The following WNT3A variants were observed in gnomAD, a reference collection of about 807,000 sequenced individuals.
The protein encoded by WNT3A is protein Wnt-3a.
A neutral mutation model predicts 37.0 loss-of-function variants in WNT3A; 17 were observed. The observed-to-expected ratio is 0.46, with a 90% confidence interval of 0.31 to 0.69. WNT3A has a LOEUF of 0.69. Among genes scored for constraint, WNT3A ranks in the 30% least tolerant of loss-of-function variants. The pLI is 0.05. For synonymous variants in WNT3A, 187 were observed against 211.0 expected, an observed-to-expected ratio of 0.89 and a Z score of 0.99; for missense variants, 411 against 510.2, an observed-to-expected ratio of 0.81 and a Z score of 1.87.
At chr1:228,057,394 A>G (rs2031703440) in intron 3 of WNT3A, among the ~76,000 whole-genome samples, 1 of 152,240 alleles carries the variant, frequency 6.6e-6, no homozygotes, top group African/African-American at 2.4e-5. Context: ...ACAGAGTTGT[A>G]GACATTGCAA....
chr1:228,053,814 G>T (rs1436279320), intron 3 of WNT3A, among the ~76,000 whole-genome samples: 5 of 152,184 alleles, frequency 3.3e-5, no homozygotes, highest in African/African-American at 1.2e-4. Flanking sequence ...TGAGACACTG[G>T]TGTTCTGGGG....
Position 228,059,827 on chromosome 1 carries a change from T to G in WNT3A, c.*362T>G. On this transcript the variant is annotated 3_prime_UTR_variant, in exon 4 of 4. Transcript: ENST00000284523. ...GCTTCTCCTGCGGGGGCGAGGCCCCTCCCAGTAAGGGCGTGGCTCTGGGTG... is the reference window on the plus strand; with the variant it reads ...GCTTCTCCTGCGGGGGCGAGGCCCCGCCCAGTAAGGGCGTGGCTCTGGGTG... 1 of 1,067,132 alleles carries G rather than the reference T, an allele frequency of 9.4e-7. No homozygotes were observed. The highest frequency in any genetic ancestry group is 1.1e-6 in the Non-Finnish European group (1 of 882,760). 66.1% of individuals were successfully genotyped at this position (1,067,132 alleles called of 1,614,324 possible).
intron 2 of WNT3A, among the ~76,000 whole-genome samples, chr1:228,044,317 T>C (rs1162163469): frequency 1.3e-5 from 2 of 152,230 alleles, no homozygotes; most frequent in East Asian, 3.8e-4. Context: ...TGTTCAAAAC[T>C]AAATGTGTTC....
In WNT3A at chr1:228,041,172, C is replaced by T. The variant is rs182378175; in HGVS notation, c.314-9484C>T. ...AGCCCATTAAATCCAAACCTAGAAA[C>T]GAAGGATTTGTTAAGATCCCTCTAG... On this transcript the variant is annotated intron_variant, in intron 2 of 3. Coordinates refer to ENST00000284523, the MANE Select transcript of WNT3A (RefSeq NM_033131.4). 1.2e-4 allele frequency among the ~76,000 whole-genome samples: 19 copies of T among 152,058 alleles called. 1 individual carries two copies. Among genetic ancestry groups the T allele is most frequent in the East Asian group, 3.9e-4 (2 of 5,156 alleles).
chr1:228,028,292 ATTTTT>A (rs56294253), intron 2 of WNT3A, among the ~76,000 whole-genome samples: 7 of 120,186 alleles, frequency 5.8e-5, no homozygotes, highest in African/African-American at 6.6e-5. Flanking sequence ...GTTACATATA[ATTTTT>A]TTTTTTTTTT....
At chr1:228,030,124 G>A (rs1301476467) in intron 2 of WNT3A, among the ~76,000 whole-genome samples, 2 of 151,846 alleles carry the variant, frequency 1.3e-5, no homozygotes, top group African/African-American at 4.8e-5. Context: ...GCCAGGCGTG[G>A]TGGCTCACGC....
chr1:228,026,352 G>A (rs1179211965), intron 2 of WNT3A, among the ~76,000 whole-genome samples: 1 of 152,096 alleles, frequency 6.6e-6, no homozygotes, highest in Non-Finnish European at 1.5e-5. Context: ...GAACAGAAAT[G>A]GTAAAAGTAG....
intron 1 of WNT3A, among the ~76,000 whole-genome samples, chr1:228,018,115 G>C (rs1261238830): frequency 6.6e-6 from 1 of 152,180 alleles, no homozygotes; most frequent in Non-Finnish European, 1.5e-5. Context: ...CTTGCGCTGA[G>C]AACAGGACCC....
intron 1 of WNT3A, among the ~76,000 whole-genome samples, chr1:228,010,292 C>T (rs963676810): frequency 1.3e-5 from 2 of 152,156 alleles, no homozygotes; most frequent in African/African-American, 2.4e-5. Context: ...GTCATCTCCC[C>T]AGGGACCCCA....
chr1:228,049,765 T>C (rs932199859), intron 2 of WNT3A, among the ~76,000 whole-genome samples: 1 of 152,190 alleles, frequency 6.6e-6, no homozygotes, highest in Non-Finnish European at 1.5e-5. Flanking sequence ...TCGACCATCT[T>C]TCCAGGTGCA....
At chr1:228,046,319 G>C (rs1049830434) in intron 2 of WNT3A, among the ~76,000 whole-genome samples, 1 of 151,888 alleles carries the variant, frequency 6.6e-6, no homozygotes, top group Admixed American at 6.6e-5. Context: ...AGGGGTGTGT[G>C]TGTGTGTGCA....
At chr1:228,011,869 C>T (rs1327384846) in intron 1 of WNT3A, among the ~76,000 whole-genome samples, 2 of 152,162 alleles carry the variant, frequency 1.3e-5, no homozygotes, top group Non-Finnish European at 2.9e-5. Context: ...AGTGGCCACA[C>T]GTCAAGTGTC....
chr1:228,051,445 C>T (rs1199986028), intron 3 of WNT3A, among the ~76,000 whole-genome samples: 1 of 152,148 alleles, frequency 6.6e-6, no homozygotes, highest in East Asian at 1.9e-4. Context: ...TGTAAAGCTT[C>T]GTGAGCCTGT....
rs2031238070 is a variant in WNT3A at position 228,039,960 on chromosome 1, C to G, written c.314-10696C>G. 6.6e-6 allele frequency among the ~76,000 whole-genome samples: 1 copy of G among 152,206 alleles called. No homozygotes were observed. Among genetic ancestry groups the G allele is most frequent in the Non-Finnish European group, 1.5e-5 (1 of 68,028 alleles). ...AGCCACTCAGGAGTCCCCTCTGGAC[C>G]AACAGGCATGTCCCAGGAGCCCAGG... On this transcript the variant is annotated intron_variant, in intron 2 of 3. Transcript: ENST00000284523. This position sits in a 1 kb window ranked among gnomAD's most constrained non-coding sequence, Gnocchi z 4.1.
At chr1:228,020,318 C>G (rs114281146) in intron 1 of WNT3A, among the ~76,000 whole-genome samples, 3,147 of 152,366 alleles carry the variant, frequency 0.021, 106 homozygotes, top group African/African-American at 0.06. Flanking sequence ...CCTCTGCTGG[C>G]GTTCCTGGGT....
At chr1:228,046,128 C>T (rs1431312783) in intron 2 of WNT3A, among the ~76,000 whole-genome samples, 1 of 152,268 alleles carries the variant, frequency 6.6e-6, no homozygotes. Flanking sequence ...GGACAAAGGG[C>T]TGAGTGCGGC....
intron 2 of WNT3A, among the ~76,000 whole-genome samples, chr1:228,040,134 C>T (rs1273730546): frequency 1.3e-5 from 2 of 152,220 alleles, no homozygotes; most frequent in African/African-American, 4.8e-5. Flanking sequence ...AAACGCCAGC[C>T]ATGGGAACAC....
At chr1:228,030,553 G>A (rs192859698) in intron 2 of WNT3A, among the ~76,000 whole-genome samples, 14 of 152,240 alleles carry the variant, frequency 9.2e-5, no homozygotes, top group African/African-American at 3.1e-4. Context: ...TGTCCTCGCC[G>A]GGCACTGAAC....
intron 2 of WNT3A, among the ~76,000 whole-genome samples, chr1:228,027,831 G>A (rs115400878): frequency 0.012 from 1,847 of 152,242 alleles, 53 homozygotes; most frequent in African/African-American, 0.042. Flanking sequence ...GGGGCTGTTA[G>A]TCATGAATTA....
Sources: allele counts gnomAD v4.1 joint callset (sites outside exome capture counted in the v4.1 genomes callset), GRCh38; gene constraint gnomAD v4.1.1; non-coding constraint Gnocchi (gnomAD v3.1); transcripts MANE v1.5; gene names NCBI Gene and HGNC (gene_info 2026-07-23, HGNC 2026-07-21).